The following WHRN variants were observed in gnomAD, a reference collection of about 807,000 sequenced individuals.
WHRN encodes whirlin.
Under a neutral mutation model 68.3 loss-of-function variants are expected in WHRN, and 41 were observed. The observed-to-expected ratio is 0.60, with a 90% confidence interval of 0.47 to 0.78. WHRN has a LOEUF of 0.78. Ranked by LOEUF, WHRN falls within the 30% of genes least tolerant of loss-of-function variation. The probability of loss-of-function intolerance (pLI) is 0.00; values close to 1 mark genes in which losing one functional copy is unlikely to be tolerated. For missense variants in WHRN, 1,243 were observed against 1,244.7 expected (o/e 1.00, Z 0.02); for synonymous variants, 560 against 561.3 (o/e 1.00, Z 0.03).
chr9:114,434,667 G>A (rs997356150), intron 3 of WHRN, among the ~76,000 whole-genome samples: 1 of 152,114 alleles, frequency 6.6e-6, no homozygotes, highest in Non-Finnish European at 1.5e-5. Context: ...AACTCCACTC[G>A]GATCCCAGCT....
chr9:114,444,794 T>A (rs1589149689), intron 3 of WHRN, among the ~76,000 whole-genome samples: 1 of 151,352 alleles, frequency 6.6e-6, no homozygotes, highest in Admixed American at 6.6e-5. Flanking sequence ...GCTATATATA[T>A]AATATATATA....
chr9:114,422,311 C>T (rs149753337), intron 7 of WHRN, among the ~76,000 whole-genome samples: 2 of 152,330 alleles, frequency 1.3e-5, no homozygotes, highest in East Asian at 1.9e-4. Flanking sequence ...GAAACAAGGG[C>T]ATAGAGGAGA....
intron 3 of WHRN, among the ~76,000 whole-genome samples, chr9:114,457,689 G>A (rs1260781768): frequency 6.6e-6 from 1 of 152,186 alleles, no homozygotes; most frequent in East Asian, 1.9e-4. Flanking sequence ...GCCGAGGCGG[G>A]TGGATCACTT....
At chr9:114,443,709 A>G (rs1357251564) in intron 3 of WHRN, among the ~76,000 whole-genome samples, 1 of 152,200 alleles carries the variant, frequency 6.6e-6, no homozygotes, top group South Asian at 2.1e-4. Context: ...TGTGCCTCCC[A>G]TATTTGTGGT....
rs900074739 is a variant in WHRN, at chr9:114,504,316, G to A, written c.486C>T (p.His162=). The change falls in exon 1 of 12, where the codon CAC becomes CAT. Residue 162 remains histidine (H), a synonymous_variant. Transcript: ENST00000362057. ...LGFSIRGGSE[H]GVGIYVSLVE... is the part of the protein sequence containing the mutation. ...CCAGAGACACGTAGATGCCCACGCCGTGCTCCGAGCCCCCACGGATGCTGA... is the reference window on the plus strand; with the variant it reads ...CCAGAGACACGTAGATGCCCACGCCATGCTCCGAGCCCCCACGGATGCTGA... The A allele has an allele frequency of 6.2e-7, 1 of 1,612,188 alleles. No homozygotes were observed. Among genetic ancestry groups the A allele is most frequent in the African/African-American group, 1.3e-5 (1 of 75,058 alleles).
At chr9:114,439,685 A>G (rs1024695487) in intron 3 of WHRN, among the ~76,000 whole-genome samples, 32 of 152,206 alleles carry the variant, frequency 2.1e-4, no homozygotes, top group African/African-American at 7.5e-4. Flanking sequence ...TATTATATGT[A>G]TACAGTTGAC....
chr9:114,498,036 G>A (rs1411804679), intron 1 of WHRN, among the ~76,000 whole-genome samples: 5 of 152,170 alleles, frequency 3.3e-5, no homozygotes, highest in Admixed American at 1.3e-4. Flanking sequence ...CACCCACAAC[G>A]CTGCCATACA....
Position 114,481,172 on chromosome 9 carries a change from GC to G in WHRN, c.619-2402del, listed in dbSNP as rs372180841. ...GCTGAGCTTTCAAAGACAGGAGGGA[GC>G]CCTGGCTAGGCAAGGCCTGCGGGAA... On this transcript the variant is annotated intron_variant, in intron 1 of 11. Coordinates refer to ENST00000362057, the MANE Select transcript of WHRN (RefSeq NM_015404.4). Among the ~76,000 whole-genome samples the G allele has an allele frequency of 6.2e-4, 95 of 152,316 alleles. 4 individuals carry two copies. The highest frequency in any genetic ancestry group is 2.3e-3 in the African/African-American group (94 of 41,572).
At chr9:114,502,491 T>C (rs564162864) in intron 1 of WHRN, among the ~76,000 whole-genome samples, 1 of 151,738 alleles carries the variant, frequency 6.6e-6, no homozygotes, top group Non-Finnish European at 1.5e-5. Flanking sequence ...CTGAGGGAGA[T>C]TCAGAGAGAA....
rs1834766995 is a variant in WHRN at position 114,402,811 on chromosome 9, C to T, written c.2667G>A (p.Lys889=). 2 of 1,614,128 alleles carry T rather than the reference C, an allele frequency of 1.2e-6. No individual in the cohort carries two copies. Among genetic ancestry groups the T allele is most frequent in the Non-Finnish European group, 1.7e-6 (2 of 1,180,034 alleles). ...EAARIIAEAF[K]TKDRDYIDFL... ...AGTCAATGTAGTCACGGTCCTTAGT[C>T]TTGAAGGCCTCGGCGATAATGCGGG... The change falls in exon 12 of 12, where the codon AAG becomes AAA. Residue 889 remains lysine, a synonymous_variant. Transcript: ENST00000362057.
chr9:114,428,188 C>T (rs575733957), intron 3 of WHRN, among the ~76,000 whole-genome samples: 1 of 152,020 alleles, frequency 6.6e-6, no homozygotes, highest in African/African-American at 2.4e-5. Context: ...ATTAGCCCGG[C>T]GAGGTGGTGC....
At chr9:114,472,527 A>G (rs1841321772) in intron 2 of WHRN, among the ~76,000 whole-genome samples, 1 of 152,102 alleles carries the variant, frequency 6.6e-6, no homozygotes, top group South Asian at 2.1e-4. Flanking sequence ...TGCCCCACGC[A>G]CACACCACCC....
chr9:114,504,574 G>T lies in WHRN; in HGVS notation c.228C>A (p.Arg76=). Residue 76 remains arginine (R), a synonymous_variant, in exon 1 of 12, where the codon CGC becomes CGA. Transcript: ENST00000362057. ...HARRNVFDLV[R]TLRVLLDSPV... is the part of the protein sequence containing the mutation. ...GACTGTCCAGCAGCACGCGCAGGGT[G>T]CGCACCAGGTCGAAGACGTTGCGGC... The T allele has an allele frequency of 6.2e-7, 1 of 1,611,576 alleles. No homozygotes were observed.
chr9:114,418,884 T>TTATCTATATCCAGTTATCTATATC (rs1490723056), intron 7 of WHRN, among the ~76,000 whole-genome samples: 2 of 152,236 alleles, frequency 1.3e-5, no homozygotes, highest in East Asian at 3.8e-4. Context: ...ATATCCTGTG[T>TTATCTATATCCAGTTATCTATATC]TATTGCCTGG....
At position 114,478,597 on chromosome 9, in the gene WHRN, G is replaced by T. The variant is rs373856120; in HGVS notation, c.793C>A (p.Arg265=). The T allele has an allele frequency of 1.2e-6, 2 of 1,614,032 alleles. No homozygotes were observed. Among genetic ancestry groups the T allele is most frequent in the Admixed American group, 3.3e-5 (2 of 60,024 alleles). Residue 265 remains arginine, a synonymous_variant, in exon 2 of 12, where the codon CGG becomes AGG. Transcript: ENST00000362057. ...GGALRQQEGD[R]RSTLHLLQGG... ...TGCAGGAGGTGCAGGGTGCTCCTCC[G>T]GTCACCCTCCTGCTGCCTCAGGGCA...
intron 1 of WHRN, among the ~76,000 whole-genome samples, chr9:114,498,749 C>T (rs896625766): frequency 3.9e-5 from 6 of 152,148 alleles, no homozygotes; most frequent in Admixed American, 2.0e-4. Flanking sequence ...ACTACAAAAT[C>T]CTTGGGCTGG....
Position 114,403,902 on chromosome 9 carries a change from G to T in WHRN, c.2412C>A (p.Asn804Lys). ...PRNERPTDGA[N>K]KPPGLLEPTS... ...CCTCCTCCTCCTGGCTCACCGGTTT[G>T]TTGGCCCCATCTGTGGGCCTCTCGT... Residue 804 changes from asparagine (N) to lysine (K), a missense_variant, in exon 10 of 12, where the codon AAC becomes AAA. By Grantham distance (94) the Asn-to-Lys change is moderately conservative. Coordinates refer to ENST00000362057, the MANE Select transcript of WHRN (RefSeq NM_015404.4). 1 of 1,610,672 alleles carries T rather than the reference G, an allele frequency of 6.2e-7. No individual in the cohort carries two copies.
intron 1 of WHRN, among the ~76,000 whole-genome samples, chr9:114,502,521 G>T (rs1844018097): frequency 7.0e-6 from 1 of 142,308 alleles, no homozygotes; most frequent in South Asian, 2.5e-4. Context: ...CGGGCTCAAT[G>T]AAATGGTGGT....
Position 114,504,513 on chromosome 9 carries a change from C to T in WHRN, c.289G>A (p.Val97Ile). The T allele has an allele frequency of 6.2e-7, 1 of 1,609,762 alleles. No homozygotes were observed. The highest frequency in any genetic ancestry group is 8.5e-7 in the Non-Finnish European group (1 of 1,179,798). The stretch of plus-strand genomic sequence containing the variant: ...AGCAGCTGGTCGGAGCGCGGGATGA[C>T]CAGACGAAGCATGGGCAGCAGGCGC... ...KRRLLPMLRL[V>I]IPRSDQLLFD... is the part of the protein sequence containing the mutation. Residue 97 changes from valine to isoleucine, a missense_variant, in exon 1 of 12, where the codon GTC (valine) becomes ATC (isoleucine). Val to Ile is a conservative substitution (Grantham distance 29). Coordinates refer to ENST00000362057, the MANE Select transcript of WHRN (RefSeq NM_015404.4).
Sources: allele counts gnomAD v4.1 joint callset (sites outside exome capture counted in the v4.1 genomes callset), GRCh38; gene constraint gnomAD v4.1.1; transcripts MANE v1.5; gene names NCBI Gene and HGNC (gene_info 2026-07-23, HGNC 2026-07-21).